SLC2A9: variants seen among roughly 807,000 people sequenced by gnomAD.
SLC2A9 encodes solute carrier family 2 member 9, also known as solute carrier family 2, facilitated glucose transporter member 9.
Under a neutral mutation model 50.6 loss-of-function variants are expected in SLC2A9, and 39 were observed. The observed-to-expected ratio is 0.77, with a 90% CI of 0.60 to 1.01. The LOEUF is 1.01. SLC2A9 is among the 50% of genes least tolerant of loss of function. The pLI, the probability that SLC2A9 is intolerant of heterozygous loss-of-function variation, is 0.00. For synonymous variants in SLC2A9, 324 were observed against 276.9 expected, an observed-to-expected ratio of 1.17 and a Z score of -1.69; for missense variants, 686 against 677.6, an observed-to-expected ratio of 1.01 and a Z score of -0.14.
chr4:9,879,655 T>C, intron 10 of SLC2A9: 1 of 985,392 alleles, frequency 1.0e-6, no homozygotes, highest in Non-Finnish European at 1.2e-6. Context: ...ATAATGGCAG[T>C]GGCCTTACCG....
rs1384255972 is a variant in SLC2A9, at chr4:9,887,739, CT to C, written c.1216-98del. 5.1e-6 allele frequency: 5 copies of C among 977,366 alleles called. No individual in the cohort carries two copies. In the Admixed American group the frequency reaches 1.8e-4, roughly 35 times the overall value. 60.5% of individuals were successfully genotyped at this position (977,366 alleles called of 1,614,324 possible). A position where few individuals can be genotyped will look rare whatever the true frequency, so the allele number is the denominator to read the frequency against. ...CTCCTCCTCCATCCATCTGTGTGAC[CT>C]TGGACAGGTCACTTGATGTCCCCAA... On this transcript the variant is annotated intron_variant, in intron 9 of 11. Coordinates refer to ENST00000264784, the MANE Select transcript of SLC2A9 (RefSeq NM_020041.3).
At chr4:9,872,488 C>A (rs1170719424) in intron 10 of SLC2A9, among the ~76,000 whole-genome samples, 2 of 152,248 alleles carry the variant, frequency 1.3e-5, no homozygotes, top group Non-Finnish European at 2.9e-5. Context: ...GCTATCCAGA[C>A]TCCTGTTTTC....
At position 10,018,553 on chromosome 4, in the gene SLC2A9, TA is replaced by T. The variant is rs149546702; in HGVS notation, c.249+421del. ...GAGACTCCATCTCAAAGATGATAGA[TA>T]GATAGATAGATAGATAGATAGATAG... is the stretch of plus-strand genomic sequence containing the variant. On this transcript the variant is annotated intron_variant, in intron 2 of 11. Coordinates refer to ENST00000264784, the MANE Select transcript of SLC2A9 (RefSeq NM_020041.3). Among the ~76,000 whole-genome samples, 279 of 143,158 alleles carry T rather than the reference TA, an allele frequency of 1.9e-3. 1 individual carries two copies. The highest frequency in any genetic ancestry group is 7.0e-3 in the African/African-American group (267 of 38,024). 93.9% of individuals were successfully genotyped at this position (143,158 alleles called of 152,430 possible). A position where few individuals can be genotyped will look rare whatever the true frequency, so the allele number is the denominator to read the frequency against.
intron 4 of SLC2A9, among the ~76,000 whole-genome samples, chr4:9,985,229 C>T (rs1282647028): frequency 2.0e-5 from 3 of 152,154 alleles, no homozygotes; most frequent in South Asian, 2.1e-4. Flanking sequence ...ATCATTGTGT[C>T]TCCATCCTAT....
At position 9,844,149 on chromosome 4, in the gene SLC2A9, T is replaced by TAAAAA. The variant is rs146298159; in HGVS notation, c.1292-9146_1292-9142dup. On this transcript the variant is annotated intron_variant, in intron 10 of 11. Transcript: ENST00000264784. Reference sequence around the variant, plus strand: ...AACTTGGTGGAAGAGCCAGATTTAGTAAAAAAAAAATAATAATAAAAAAAA... The same window carrying TAAAAA: ...AACTTGGTGGAAGAGCCAGATTTAGTAAAAAAAAAAAAAAATAATAATAAAAAAAA... Among the ~76,000 whole-genome samples the TAAAAA allele has an allele frequency of 1.3e-3, 90 of 66,810 alleles. 11 individuals carry two copies. The highest frequency in any genetic ancestry group is 2.2e-3 in the East Asian group (6 of 2,698). 43.8% of individuals were successfully genotyped at this position (66,810 alleles called of 152,430 possible).
At chr4:9,996,100 C>A (rs13101772) in intron 3 of SLC2A9, 10,887 of 153,610 alleles carry the variant, frequency 0.071, 711 homozygotes, top group East Asian at 0.39. Flanking sequence ...GTCAAGTGAG[C>A]TGATTGGAGA....
intron 1 of SLC2A9, among the ~76,000 whole-genome samples, chr4:10,037,380 T>C (rs1289486616): frequency 6.6e-6 from 1 of 152,212 alleles, no homozygotes; most frequent in Admixed American, 6.5e-5. Flanking sequence ...TGTCATGTTT[T>C]TGATGTTCAT....
At chr4:9,795,764 G>C (rs922034729), downstream of SLC2A9, among the ~76,000 whole-genome samples, 1 of 152,200 alleles carries the variant, frequency 6.6e-6, no homozygotes, top group Non-Finnish European at 1.5e-5. Flanking sequence ...CAGGGCACAG[G>C]TCCTTTGTCC....
At chr4:9,785,044 T>C (rs1288212399) in intron 3 of SLC2A9, among the ~76,000 whole-genome samples, 1 of 152,196 alleles carries the variant, frequency 6.6e-6, no homozygotes, top group Admixed American at 6.5e-5. Context: ...GTCAAAATGA[T>C]ACTGGAATCT....
At chr4:9,989,379 C>G (rs1405638304) in intron 3 of SLC2A9, among the ~76,000 whole-genome samples, 1 of 152,156 alleles carries the variant, frequency 6.6e-6, no homozygotes, top group African/African-American at 2.4e-5. Context: ...CATCCAACAC[C>G]CTTCTCTCCT....
At chr4:9,910,269 T>A (rs1389330452) in intron 7 of SLC2A9, among the ~76,000 whole-genome samples, 1 of 152,242 alleles carries the variant, frequency 6.6e-6, no homozygotes, top group Non-Finnish European at 1.5e-5. Flanking sequence ...ACCTTTGCTG[T>A]CACATCCATG....
chr4:9,879,024 G>C (rs1478459273), intron 10 of SLC2A9: 1 of 984,722 alleles, frequency 1.0e-6, no homozygotes, highest in African/African-American at 1.7e-5. Context: ...ATGAATTCAT[G>C]AAAAATACAA....
chr4:9,936,385 C>T (rs927135816), intron 6 of SLC2A9, among the ~76,000 whole-genome samples: 5 of 152,104 alleles, frequency 3.3e-5, no homozygotes, highest in Non-Finnish European at 5.9e-5. Flanking sequence ...ATGGGGAAGA[C>T]GGGGCTGGAC....
At chr4:9,910,522 G>A (rs1348275043) in intron 7 of SLC2A9, among the ~76,000 whole-genome samples, 3 of 152,130 alleles carry the variant, frequency 2.0e-5, no homozygotes, top group Admixed American at 2.0e-4. Flanking sequence ...CGTTCTCTAG[G>A]GACCCTCTTA....
At chr4:9,934,695 C>T (rs1458488233) in intron 6 of SLC2A9, among the ~76,000 whole-genome samples, 3 of 152,172 alleles carry the variant, frequency 2.0e-5, no homozygotes, top group Admixed American at 6.5e-5. Flanking sequence ...GCAGAATGTA[C>T]AGGTTTGTTA....
intron 1 of SLC2A9, among the ~76,000 whole-genome samples, chr4:10,029,548 A>ATATTT (rs60939014): frequency 1.2e-4 from 15 of 125,264 alleles, no homozygotes; most frequent in African/African-American, 2.5e-4. Context: ...AATTTTTTAA[A>ATATTT]TATTTTATTT....
intron 10 of SLC2A9, among the ~76,000 whole-genome samples, chr4:9,862,246 G>A (rs916727078): frequency 2.0e-5 from 3 of 152,030 alleles, no homozygotes; most frequent in Non-Finnish European, 4.4e-5. Flanking sequence ...GCTTACACCA[G>A]AGGAACCTAC....
intron 5 of SLC2A9, among the ~76,000 whole-genome samples, chr4:9,950,097 AC>A (rs1749949844): frequency 6.6e-6 from 1 of 152,056 alleles, no homozygotes; most frequent in Non-Finnish European, 1.5e-5. Context: ...GGTCAATGTC[AC>A]CCTCTCCACA....
At chr4:9,961,021 T>C (rs563063726) in intron 5 of SLC2A9, among the ~76,000 whole-genome samples, 1 of 152,334 alleles carries the variant, frequency 6.6e-6, no homozygotes, top group East Asian at 1.9e-4. Context: ...ATTAACTCCA[T>C]GGAGTATGTA....
Sources: allele counts gnomAD v4.1 joint callset (sites outside exome capture counted in the v4.1 genomes callset), GRCh38; gene constraint gnomAD v4.1.1; transcripts MANE v1.5; gene names NCBI Gene and HGNC (gene_info 2026-07-23, HGNC 2026-07-21).